The following DYSF variants were observed in gnomAD, a reference collection of about 807,000 sequenced individuals.
DYSF encodes the protein dystrophy-associated fer-1-like 1.
A neutral mutation model predicts 274.9 loss-of-function variants in DYSF; 212 were observed. That is an observed-to-expected ratio of 0.77 (90% confidence interval 0.69 to 0.86). The LOEUF (loss-of-function observed/expected upper bound fraction) is 0.86. Ranked by LOEUF, DYSF falls within the 40% of genes least tolerant of loss-of-function variation. DYSF has a pLI of 0.00. For synonymous variants in DYSF, 1,091 were observed against 1,078.7 expected, an observed-to-expected ratio of 1.01 and a Z score of -0.22; for missense variants, 2,666 against 2,783.2, an observed-to-expected ratio of 0.96 and a Z score of 0.95.
chr2:71,686,265 A>G (rs1236462884), intron 55 of DYSF, among the ~76,000 whole-genome samples, 189 bp from the exon 56 acceptor site: 1 of 152,110 alleles, frequency 6.6e-6, no homozygotes, highest in Non-Finnish European at 1.5e-5. Flanking sequence ...TGAGCCCCAC[A>G]TGGTATGGAT....
rs114713183 is a variant in DYSF, at chr2:71,619,505, C to T, written c.4465-1042C>T. Among the ~76,000 whole-genome samples the T allele has an allele frequency of 7.9e-3, 1,199 of 152,246 alleles. 18 individuals carry two copies. Among genetic ancestry groups the T allele is most frequent in the African/African-American group, 0.026 (1,073 of 41,550 alleles). On this transcript the variant is annotated intron_variant, in intron 40 of 55. Transcript: ENST00000410020. ...GTTTCTTTGGGCATCGGGGGAGTGT[C>T]TTCCAGGATCTTCCTGTTGAGGAAG... is the stretch of plus-strand genomic sequence containing the variant.
chr2:71,458,899 G>A lies in DYSF; in HGVS notation c.88+4813G>A, dbSNP rs142643601. Among the ~76,000 whole-genome samples, 473 of 152,320 alleles carry A rather than the reference G, an allele frequency of 3.1e-3. 1 individual carries two copies. The highest frequency in any genetic ancestry group is 5.7e-3 in the Non-Finnish European group (390 of 68,034). On this transcript the variant is annotated intron_variant, in intron 1 of 54. Coordinates refer to the DYSF transcript ENST00000258104. ...TGCCTCAGGTCACACCACTAGGAAA[G>A]GGTGGCCTGGGACAGAAGCCCAGGA... is the stretch of plus-strand genomic sequence containing the variant.
intron 23 of DYSF, among the ~76,000 whole-genome samples, chr2:71,563,506 G>A (rs1262009302): frequency 6.6e-6 from 1 of 152,190 alleles, no homozygotes; most frequent in Non-Finnish European, 1.5e-5. Flanking sequence ...GGGCCTCACA[G>A]TTTTGTTCTG....
At chr2:71,674,975 A>G (rs2095195363) in intron 52 of DYSF, among the ~76,000 whole-genome samples, 2 of 152,244 alleles carry the variant, frequency 1.3e-5, no homozygotes, top group Non-Finnish European at 2.9e-5. Context: ...GTATTCAGCC[A>G]TGAAAGCAAT....
chr2:71,492,704 C>A (rs575726436), intron 3 of DYSF, among the ~76,000 whole-genome samples: 13 of 139,218 alleles, frequency 9.3e-5, no homozygotes, highest in South Asian at 2.6e-4. Context: ...TTCCTCCCCC[C>A]CCCCCTTTTC....
intron 30 of DYSF, among the ~76,000 whole-genome samples, chr2:71,581,238 G>T (rs986209824): frequency 6.6e-6 from 1 of 152,226 alleles, no homozygotes; most frequent in African/African-American, 2.4e-5. Context: ...CAGCCCACAC[G>T]TGGCATCGTG....
At chr2:71,460,583 TC>T (rs1228530206) in intron 1 of DYSF, among the ~76,000 whole-genome samples, 1 of 152,094 alleles carries the variant, frequency 6.6e-6, no homozygotes, top group Admixed American at 6.5e-5. Context: ...TTACTAGGCC[TC>T]AGTATGAAGT....
At chr2:71,458,456 C>A (rs966517777) in intron 1 of DYSF, among the ~76,000 whole-genome samples, 8 of 152,180 alleles carry the variant, frequency 5.3e-5, no homozygotes, top group Non-Finnish European at 8.8e-5. Flanking sequence ...TCTGTCTGCC[C>A]CCAGGGACAC....
At chr2:71,506,865 G>T (rs905250482) in intron 4 of DYSF, among the ~76,000 whole-genome samples, 1 of 152,108 alleles carries the variant, frequency 6.6e-6, no homozygotes, top group African/African-American at 2.4e-5. Flanking sequence ...CTCTGGAGCT[G>T]CAGGGATGTC....
chr2:71,539,894 T>A (rs937288107), intron 17 of DYSF, among the ~76,000 whole-genome samples: 3 of 152,212 alleles, frequency 2.0e-5, no homozygotes, highest in Non-Finnish European at 4.4e-5. Context: ...TATAATACAA[T>A]TTTAAGTGAA....
intron 23 of DYSF, among the ~76,000 whole-genome samples, chr2:71,563,514 C>T (rs935616848): frequency 2.0e-5 from 3 of 152,176 alleles, no homozygotes; most frequent in Non-Finnish European, 4.4e-5. Flanking sequence ...CAGTTTTGTT[C>T]TGGACTAGTC....
Position 71,568,005 on chromosome 2 carries a change from C to G in DYSF, c.2620C>G (p.Leu874Val). 1 of 1,614,132 alleles carries G rather than the reference C, an allele frequency of 6.2e-7. No homozygotes were observed. Reference protein sequence around the residue: ...ARMPVQIRVKLWFGLSVDEKE... With the variant: ...ARMPVQIRVKVWFGLSVDEKE... ...GATGCCAGTGCAGATACGGGTCAAG[C>G]TGTGGTTTGGGCTCTCAGTGGATGA... Residue 874 changes from leucine (L) to valine (V), a missense_variant, in exon 25 of 56, where the codon CTG (leucine) becomes GTG (valine). This residue lies in a region of DYSF where 412 missense variants were observed against 504.0 expected (regional missense o/e 0.82). Coordinates refer to ENST00000410020, the MANE Select transcript of DYSF (RefSeq NM_001130987.2).
intron 14 of DYSF, among the ~76,000 whole-genome samples, chr2:71,530,793 CCT>C (rs2088610093): frequency 6.6e-6 from 1 of 152,138 alleles, no homozygotes; most frequent in Non-Finnish European, 1.5e-5. Flanking sequence ...TCTGCCTGTC[CCT>C]CTCTTTTAGC....
intron 1 of DYSF, among the ~76,000 whole-genome samples, chr2:71,468,929 T>C (rs2081751942): frequency 6.6e-6 from 1 of 152,232 alleles, no homozygotes; most frequent in African/African-American, 2.4e-5. Flanking sequence ...GCCCAGCCTC[T>C]AGCCATCCTC....
intron 30 of DYSF, among the ~76,000 whole-genome samples, chr2:71,588,180 A>AG (rs1371425320): frequency 6.6e-6 from 1 of 152,156 alleles, no homozygotes; most frequent in Non-Finnish European, 1.5e-5. Context: ...GGGGGAAGAA[A>AG]GCCTTGGTGT....
chr2:71,469,608 C>G (rs1398616864), intron 1 of DYSF, among the ~76,000 whole-genome samples: 1 of 152,134 alleles, frequency 6.6e-6, no homozygotes, highest in Non-Finnish European at 1.5e-5. Flanking sequence ...TTCCCTGTCT[C>G]GGATGTAATT....
At chr2:71,575,023 G>C (rs193099801) in intron 30 of DYSF, among the ~76,000 whole-genome samples, 1 of 152,324 alleles carries the variant, frequency 6.6e-6, no homozygotes, top group African/African-American at 2.4e-5. Context: ...GGAAGGAGCT[G>C]CTCCCTCTGA....
intron 29 of DYSF, 28 bp downstream of exon 29, chr2:71,570,769 G>A: frequency 1.2e-6 from 2 of 1,612,606 alleles, no homozygotes; most frequent in Non-Finnish European, 1.7e-6. Flanking sequence ...GGGTGGGAGT[G>A]AGGCCTGTGG....
At chr2:71,522,779 C>T (rs2087439810) in intron 12 of DYSF, among the ~76,000 whole-genome samples, 1 of 152,140 alleles carries the variant, frequency 6.6e-6, no homozygotes, top group South Asian at 2.1e-4. Context: ...ACCTGTTCCC[C>T]ATCCCGTATT....
Sources: gnomAD v4.1 joint callset for allele counts (sites outside exome capture counted in the v4.1 genomes callset) on GRCh38, gnomAD v4.1.1 for gene constraint, gnomAD v4.1.1 regional missense constraint, MANE v1.5 for transcripts, NCBI Gene and HGNC (gene_info 2026-07-23, HGNC 2026-07-21) for gene names.